Variants in PSAT1 observed in about 807,000 individuals in gnomAD.
PSAT1 encodes phosphoserine aminotransferase.
PSAT1 carries 41 observed loss-of-function variants against 40.3 expected under a neutral mutation model. The ratio of observed to expected loss-of-function variants is 1.02; its 90% CI spans 0.79 to 1.32. The LOEUF (loss-of-function observed/expected upper bound fraction) is 1.32. Among genes scored for constraint, PSAT1 ranks in the 40% most tolerant of loss-of-function variants. The pLI is 0.00. For missense variants in PSAT1, 406 were observed against 455.8 expected, an observed-to-expected ratio of 0.89 and a Z score of 0.99; for synonymous variants, 147 against 170.5, an observed-to-expected ratio of 0.86 and a Z score of 1.07.
intron 7 of PSAT1, among the ~76,000 whole-genome samples, chr9:78,326,951 A>ATTTTTTTT (rs1462087681): frequency 7.1e-5 from 6 of 84,448 alleles, no homozygotes; most frequent in African/African-American, 4.8e-4. Flanking sequence ...ATATATATAT[A>ATTTTTTTT]TATATTTTTT....
chr9:78,329,448 G>GTTTTTTA lies in PSAT1; in HGVS notation c.*362_*363insTTTTTTA. ...TGGAGTCATGGGAACACACAGCACA[G>GTTTTTTA]AGGGTAGGGGGGCCCTCTAGGTGCT... On this transcript the variant is annotated 3_prime_UTR_variant, in exon 9 of 9. Coordinates refer to ENST00000376588, the MANE Select transcript of PSAT1 (RefSeq NM_058179.4). 5 of 328,348 alleles carry GTTTTTTA rather than the reference G, an allele frequency of 1.5e-5. No homozygotes were observed. Among genetic ancestry groups the GTTTTTTA allele is most frequent in the Admixed American group, 4.5e-5 (1 of 22,158 alleles). 20.3% of individuals were successfully genotyped at this position (328,348 alleles called of 1,614,324 possible). A position where few individuals can be genotyped will look rare whatever the true frequency, so the allele number is the denominator to read the frequency against.
chr9:78,311,846 C>CAAAAAA (rs1828273091), intron 6 of PSAT1, among the ~76,000 whole-genome samples: 1 of 151,676 alleles, frequency 6.6e-6, no homozygotes, highest in Non-Finnish European at 1.5e-5. Flanking sequence ...AAAACAAAAA[C>CAAAAAA]AAAAACAAAA....
chr9:78,298,614 C>T (rs1285415927), intron 1 of PSAT1, among the ~76,000 whole-genome samples: 1 of 151,976 alleles, frequency 6.6e-6, no homozygotes, highest in East Asian at 1.9e-4. Flanking sequence ...CTATGTATTT[C>T]GTTATTAATT....
intron 7 of PSAT1, among the ~76,000 whole-genome samples, chr9:78,318,937 T>C (rs572106915): frequency 1.3e-5 from 2 of 152,316 alleles, no homozygotes; most frequent in Non-Finnish European, 2.9e-5. Flanking sequence ...CTTCATTTGC[T>C]TTTCCCTTTC....
At chr9:78,317,625 CTA>C (rs1350793143) in intron 6 of PSAT1, 49 bp from the exon 7 acceptor site, 10 of 1,599,062 alleles carry the variant, frequency 6.3e-6, no homozygotes, top group Non-Finnish European at 8.5e-6. Context: ...GAATATAGTT[CTA>C]CTTTTGCAAA....
Position 78,302,033 on chromosome 9 carries a change from A to G in PSAT1, c.191+10A>G. 1 of 1,585,978 alleles carries G rather than the reference A, an allele frequency of 6.3e-7. No homozygotes were observed. The highest frequency in any genetic ancestry group is 8.7e-7 in the Non-Finnish European group (1 of 1,154,482). On this transcript the variant is annotated intron_variant, in intron 3 of 8. Transcript: ENST00000376588. ...TTGTGCGGGAATTGCTGTAAGTTTT[A>G]AAAAGACCAAATCATGTTACTTTTG...
At chr9:78,319,006 G>A (rs531522858) in intron 7 of PSAT1, among the ~76,000 whole-genome samples, 36 of 152,184 alleles carry the variant, frequency 2.4e-4, no homozygotes, top group South Asian at 1.5e-3. Flanking sequence ...ATGTATGTGC[G>A]CCTACACATA....
chr9:78,317,611 G>A, intron 6 of PSAT1, 65 bp from the exon 7 acceptor site: 8 of 1,574,420 alleles, frequency 5.1e-6, no homozygotes, highest in Non-Finnish European at 7.0e-6. Flanking sequence ...ACAGCAGTTT[G>A]CTTGAATATA....
intron 6 of PSAT1, among the ~76,000 whole-genome samples, chr9:78,308,860 C>G (rs1828224797): frequency 6.6e-6 from 1 of 152,140 alleles, no homozygotes; most frequent in Non-Finnish European, 1.5e-5. Context: ...GAGGCTGAGG[C>G]AGGAGAATCT....
chr9:78,308,298 A>G, intron 5 of PSAT1, 116 bp from the exon 6 acceptor site: 2 of 1,206,300 alleles, frequency 1.7e-6, no homozygotes, highest in South Asian at 1.3e-5. Context: ...TGCTCCCTAC[A>G]CAGGATAGAG....
chr9:78,319,193 G>A (rs1828392475), intron 7 of PSAT1, among the ~76,000 whole-genome samples: 1 of 152,182 alleles, frequency 6.6e-6, no homozygotes, highest in Non-Finnish European at 1.5e-5. Context: ...TCCTAACTTA[G>A]GATTGTACTT....
At chr9:78,324,495 C>T (rs1828470364) in intron 7 of PSAT1, among the ~76,000 whole-genome samples, 1 of 152,142 alleles carries the variant, frequency 6.6e-6, no homozygotes, top group Non-Finnish European at 1.5e-5. Context: ...CCTACCTCGG[C>T]CCTCAACCCA....
Position 78,308,396 on chromosome 9 carries a change from T to C in PSAT1, c.571-18T>C. 1.2e-6 allele frequency: 2 copies of C among 1,611,528 alleles called. No individual in the cohort carries two copies. The highest frequency in any genetic ancestry group is 8.5e-7 in the Non-Finnish European group (1 of 1,178,576). On this transcript the variant is annotated intron_variant, in intron 5 of 8. Coordinates refer to ENST00000376588, the MANE Select transcript of PSAT1 (RefSeq NM_058179.4). Reference sequence around the variant, plus strand: ...ATGGCCAAATCCTTCTTAAGCAGCATGTCTTTCTCTTTTTAAGTTTGGTGT... The same window carrying C: ...ATGGCCAAATCCTTCTTAAGCAGCACGTCTTTCTCTTTTTAAGTTTGGTGT...
At chr9:78,299,543 A>G (rs1828077440) in intron 1 of PSAT1, among the ~76,000 whole-genome samples, 1 of 120,976 alleles carries the variant, frequency 8.3e-6, no homozygotes, top group Non-Finnish European at 1.6e-5. Flanking sequence ...GAGAGAAGTC[A>G]AGCTCTGTCA....
intron 8 of PSAT1, among the ~76,000 whole-genome samples, chr9:78,328,755 G>A (rs1166880921): frequency 1.3e-5 from 2 of 152,030 alleles, no homozygotes; most frequent in East Asian, 1.9e-4. Context: ...TGAATAGTTC[G>A]AATGACTCTA....
chr9:78,297,554 G>A (rs756050472), intron 1 of PSAT1, among the ~76,000 whole-genome samples: 11 of 152,144 alleles, frequency 7.2e-5, no homozygotes, highest in Non-Finnish European at 1.0e-4. Context: ...CTGCTGTCCC[G>A]CCGGTGCCAC....
At chr9:78,304,632 G>A in intron 3 of PSAT1, 103 bp from the exon 4 acceptor site, 2 of 1,060,076 alleles carry the variant, frequency 1.9e-6, no homozygotes, top group Non-Finnish European at 3.0e-6. Flanking sequence ...CATATTTCTT[G>A]TAGTAAATCC....
chr9:78,311,525 A>G (rs1828267178), intron 6 of PSAT1, among the ~76,000 whole-genome samples: 1 of 151,970 alleles, frequency 6.6e-6, no homozygotes, highest in Non-Finnish European at 1.5e-5. Context: ...TACCTTGAAG[A>G]GCATTTTTTT....
chr9:78,311,870 C>T (rs1449647353), intron 6 of PSAT1, among the ~76,000 whole-genome samples: 6 of 147,370 alleles, frequency 4.1e-5, no homozygotes, highest in Admixed American at 4.1e-4. Flanking sequence ...AAACAAAAAC[C>T]ATGCAAGGTT....
Sources: allele counts gnomAD v4.1 joint callset (sites outside exome capture counted in the v4.1 genomes callset), GRCh38; gene constraint gnomAD v4.1.1; transcripts MANE v1.5; gene names NCBI Gene and HGNC (gene_info 2026-07-23, HGNC 2026-07-21).